DCAF6: variants seen among roughly 807,000 people sequenced by gnomAD.
DCAF6 encodes the protein DDB1 and CUL4 associated factor 6.
In DCAF6, 54 loss-of-function variants were observed where a neutral mutation model predicts 125.1. The ratio of observed to expected loss-of-function variants is 0.43; its 90% confidence interval spans 0.35 to 0.54. The LOEUF (loss-of-function observed/expected upper bound fraction) is 0.54. Among genes scored for constraint, DCAF6 ranks in the 20% least tolerant of loss-of-function variants. The probability of loss-of-function intolerance (pLI) is 0.01; values close to 1 mark genes in which losing one functional copy is unlikely to be tolerated. For missense variants in DCAF6, 934 were observed against 1,161.7 expected (o/e 0.80, Z 2.85); for synonymous variants, 371 against 390.4 (o/e 0.95, Z 0.58).
chr1:167,971,272 ACT>A (rs747452786), intron 3 of DCAF6, among the ~76,000 whole-genome samples: 4 of 151,836 alleles, frequency 2.6e-5, no homozygotes, highest in African/African-American at 9.7e-5. Context: ...CTTGTGGATA[ACT>A]CTATTATTAT....
chr1:168,056,065 C>A, intron 17 of DCAF6: 2 of 1,588,286 alleles, frequency 1.3e-6, no homozygotes, highest in East Asian at 2.2e-5. Context: ...ATTTCAGTTA[C>A]TTCTCCTGAT....
intron 10 of DCAF6, among the ~76,000 whole-genome samples, chr1:168,009,401 T>TTCTCTCTTTCTTTCTC (rs1297862702): frequency 7.0e-6 from 1 of 143,144 alleles, no homozygotes; most frequent in Non-Finnish European, 1.5e-5. Flanking sequence ...CTTTCTTTCT[T>TTCTCTCTTTCTTTCTC]TCTCTCTCTC....
At position 168,045,097 on chromosome 1, in the gene DCAF6, A is replaced by G; in HGVS notation, c.2128A>G (p.Thr710Ala). 6.2e-7 allele frequency: 1 copy of G among 1,614,008 alleles called. No homozygotes were observed. Among genetic ancestry groups the G allele is most frequent in the East Asian group, 2.2e-5 (1 of 44,884 alleles). The change falls in exon 16 of 22, where the codon ACA (threonine) becomes GCA (alanine). Residue 710 changes from threonine (T) to alanine (A), a missense_variant. By Grantham distance (58) the Thr-to-Ala change is moderately conservative. Coordinates refer to ENST00000367840, the MANE Select transcript of DCAF6 (RefSeq NM_001198956.2). Reference protein sequence around the residue: ...NNTNPEPQFQTEATGPSAHEE... With the variant: ...NNTNPEPQFQAEATGPSAHEE... ...CACCAATCCTGAGCCTCAGTTCCAA[A>G]CAGAAGCCACTGGGCCTTCAGCTCA...
chr1:168,014,734 A>T (rs1684732350), intron 10 of DCAF6, among the ~76,000 whole-genome samples: 1 of 152,192 alleles, frequency 6.6e-6, no homozygotes, highest in African/African-American at 2.4e-5. Context: ...AATGTATTGC[A>T]CATTCCTATA....
chr1:168,074,474 A>G (rs1354856043), intron 21 of DCAF6, among the ~76,000 whole-genome samples: 1 of 152,176 alleles, frequency 6.6e-6, no homozygotes, highest in Non-Finnish European at 1.5e-5. Context: ...TAAAACTTAT[A>G]TTCATTTATT....
chr1:167,944,232 G>T (rs1447423178), intron 1 of DCAF6, among the ~76,000 whole-genome samples: 1 of 152,144 alleles, frequency 6.6e-6, no homozygotes, highest in African/African-American at 2.4e-5. Flanking sequence ...GGACACTTAG[G>T]TTGATTCCAT....
In DCAF6 at chr1:168,004,536, G is replaced by C; in HGVS notation, c.1121G>C (p.Gly374Ala). 1 of 1,612,652 alleles carries C rather than the reference G, an allele frequency of 6.2e-7. No individual in the cohort carries two copies. Among genetic ancestry groups the C allele is most frequent in the Non-Finnish European group, 8.5e-7 (1 of 1,179,156 alleles). Residue 374 changes from glycine to alanine, a missense_variant, in exon 10 of 22, where the codon GGA becomes GCA. Coordinates refer to ENST00000367840, the MANE Select transcript of DCAF6 (RefSeq NM_001198956.2). ...RGRGRSRPRGGTSQSDISTLP... is the reference protein window; with the variant it reads ...RGRGRSRPRGATSQSDISTLP... ...TGCCTTAACATGTGTTTTGAAGGTG[G>C]AACAAGTCAATCAGATATTTCAACT... is the stretch of plus-strand genomic sequence containing the variant.
At chr1:168,005,622 A>G (rs2103090549) in intron 10 of DCAF6, among the ~76,000 whole-genome samples, 1 of 152,316 alleles carries the variant, frequency 6.6e-6, no homozygotes, top group Non-Finnish European at 1.5e-5. Flanking sequence ...AACTAGAAAT[A>G]TAGCTGGCAG....
chr1:168,050,355 T>G (rs1195166504), intron 16 of DCAF6, among the ~76,000 whole-genome samples: 1 of 152,200 alleles, frequency 6.6e-6, no homozygotes, highest in Non-Finnish European at 1.5e-5. Context: ...ATTTCCTTAT[T>G]TCTCATTATT....
chr1:168,042,076 C>T (rs1269792286), intron 13 of DCAF6, among the ~76,000 whole-genome samples: 1 of 151,858 alleles, frequency 6.6e-6, no homozygotes, highest in Non-Finnish European at 1.5e-5. Flanking sequence ...TATATGTACT[C>T]TCTTTTTTTT....
At chr1:167,880,451 G>A in the DCAF6 span, 1 of 1,452,992 alleles carries the variant, frequency 6.9e-7, no homozygotes, top group Non-Finnish European at 9.7e-7. Flanking sequence ...TGCCTCAAAA[G>A]GGTCAGGGAC....
At chr1:167,928,135 T>C in the DCAF6 span, among the ~76,000 whole-genome samples, 1 of 151,880 alleles carries the variant, frequency 6.6e-6, no homozygotes, top group Non-Finnish European at 1.5e-5. Context: ...GATCACGAGG[T>C]CAGAAGATCG....
intron 10 of DCAF6, among the ~76,000 whole-genome samples, chr1:168,007,593 G>A (rs903471835): frequency 2.6e-5 from 4 of 151,812 alleles, no homozygotes; most frequent in African/African-American, 4.8e-5. Flanking sequence ...TTTTCGACCC[G>A]GTTGCATTTA....
chr1:167,891,011 G>C, the DCAF6 span, among the ~76,000 whole-genome samples: 1 of 152,044 alleles, frequency 6.6e-6, no homozygotes, highest in African/African-American at 2.4e-5. Context: ...ACCCAGGCTG[G>C]AGTGCAGTGG....
Position 167,991,303 on chromosome 1 carries a change from A to G in DCAF6, c.652A>G (p.Ile218Val), listed in dbSNP as rs768963114. 3 of 1,613,336 alleles carry G rather than the reference A, an allele frequency of 1.9e-6. No individual in the cohort carries two copies. The highest frequency in any genetic ancestry group is 2.2e-5 in the South Asian group (2 of 90,972). Residue 218 changes from isoleucine to valine, a missense_variant, in exon 6 of 22, where the codon ATA becomes GTA. Physicochemically the swap from Ile to Val is conservative, Grantham distance 29. Around this residue, in one of 5 missense-constraint regions of DCAF6, gnomAD observed 309 missense variants for 381.2 expected, o/e 0.81. Coordinates refer to ENST00000367840, the MANE Select transcript of DCAF6 (RefSeq NM_001198956.2). The part of the protein sequence containing the change: ...AVGCSDSSVR[I>V]YDRRMLGTRA... ...TGGTTGTTCTGACAGCTCAGTACGAATATATGATCGGCGAATGCTGGGCAC... is the reference window on the plus strand; with the variant it reads ...TGGTTGTTCTGACAGCTCAGTACGAGTATATGATCGGCGAATGCTGGGCAC...
chr1:167,919,117 C>A, the DCAF6 span, among the ~76,000 whole-genome samples: 1 of 152,154 alleles, frequency 6.6e-6, no homozygotes, highest in African/African-American at 2.4e-5. Context: ...CTAAAGTAAT[C>A]ACTAAAGTAA....
intron 17 of DCAF6, among the ~76,000 whole-genome samples, chr1:168,059,009 T>C (rs1204396135): frequency 1.3e-5 from 2 of 152,216 alleles, no homozygotes; most frequent in African/African-American, 2.4e-5. Flanking sequence ...TTTATGATTT[T>C]TTTCACTGTT....
In DCAF6 at chr1:168,072,166, G is replaced by A. The variant is rs148546650; in HGVS notation, c.2792-3205G>A. On this transcript the variant is annotated intron_variant, in intron 21 of 21. Coordinates refer to ENST00000367840, the MANE Select transcript of DCAF6 (RefSeq NM_001198956.2). ...ACAAAAATTAGCTGGGTGTGGTGGC[G>A]CGTGCCTGTAGTCCCAGCTACTTGG... 6.7e-3 allele frequency among the ~76,000 whole-genome samples: 1,022 copies of A among 151,588 alleles called. 11 individuals are homozygous for A. Among genetic ancestry groups the A allele is most frequent in the African/African-American group, 0.023 (957 of 41,340 alleles).
intron 17 of DCAF6, among the ~76,000 whole-genome samples, chr1:168,055,028 T>C (rs1225189759): frequency 2.0e-5 from 3 of 152,132 alleles, no homozygotes; most frequent in African/African-American, 7.2e-5. Flanking sequence ...CTTGATATAC[T>C]GAAGAACAGT....
Sources: gnomAD v4.1 joint callset for allele counts (sites outside exome capture counted in the v4.1 genomes callset) on GRCh38, gnomAD v4.1.1 for gene constraint, gnomAD v4.1.1 regional missense constraint, MANE v1.5 for transcripts, NCBI Gene and HGNC (gene_info 2026-07-23, HGNC 2026-07-21) for gene names.